RAB7A: variants seen among roughly 807,000 people sequenced by gnomAD.
RAB7A encodes the protein RAB7A, member RAS oncogene family.
In RAB7A, 2 loss-of-function variants were observed where a neutral mutation model predicts 24.5. The observed-to-expected ratio is 0.08, with a 90% CI of 0.03 to 0.26. The LOEUF is 0.26. Ranked by LOEUF, RAB7A falls within the 10% of genes least tolerant of loss-of-function variation. The probability of loss-of-function intolerance (pLI) is 1.00; values close to 1 mark genes in which losing one functional copy is unlikely to be tolerated. For missense variants in RAB7A, 118 were observed against 255.7 expected (o/e 0.46, Z 3.67); for synonymous variants, 100 against 95.9 (o/e 1.04, Z -0.25).
intron 1 of RAB7A, among the ~76,000 whole-genome samples, chr3:128,766,202 C>G (rs888023906): frequency 6.6e-6 from 1 of 152,150 alleles, no homozygotes; most frequent in African/African-American, 2.4e-5. Flanking sequence ...CTGATATGCT[C>G]CACTGAATAC....
chr3:128,814,039 G>C lies in RAB7A; in HGVS notation c.*617G>C, dbSNP rs1349037496. On this transcript the variant is annotated 3_prime_UTR_variant, in exon 6 of 6. Coordinates refer to ENST00000265062, the MANE Select transcript of RAB7A (RefSeq NM_004637.6). The stretch of plus-strand genomic sequence containing the variant: ...TTATTATGTAATGCTTCTTAGAAAA[G>C]AATCTTATAGTACATGTTAATATAT... 2 of 159,224 alleles carry C rather than the reference G, an allele frequency of 1.3e-5. No individual in the cohort carries two copies. The highest frequency in any genetic ancestry group is 2.8e-5 in the Non-Finnish European group (2 of 71,442). The allele number at this position is 159,224 out of a possible 1,614,324, so 9.9% of individuals were successfully genotyped here. A position where few individuals can be genotyped will look rare whatever the true frequency, so the allele number is the denominator to read the frequency against.
intron 1 of RAB7A, among the ~76,000 whole-genome samples, chr3:128,775,363 C>T (rs1393803844): frequency 6.6e-6 from 1 of 152,190 alleles, no homozygotes; most frequent in Non-Finnish European, 1.5e-5. Context: ...TCCACCCTTC[C>T]TCCACTAGCA....
At chr3:128,801,741 A>C (rs1413635812) in intron 3 of RAB7A, among the ~76,000 whole-genome samples, 2 of 152,192 alleles carry the variant, frequency 1.3e-5, no homozygotes, top group Non-Finnish European at 2.9e-5. Context: ...GTGTAAAGAG[A>C]GAATAATAGA....
intron 1 of RAB7A, among the ~76,000 whole-genome samples, chr3:128,753,390 A>G (rs996386489): frequency 6.6e-6 from 1 of 152,134 alleles, no homozygotes; most frequent in Non-Finnish European, 1.5e-5. Context: ...ATGTAAATAT[A>G]TTTATTACCC....
intron 2 of RAB7A, among the ~76,000 whole-genome samples, chr3:128,796,855 G>C (rs920030994): frequency 1.3e-5 from 2 of 152,052 alleles, no homozygotes; most frequent in Admixed American, 6.5e-5. Flanking sequence ...ATAGAGACAG[G>C]GTTCTACCAT....
chr3:128,795,766 T>TTTTTTTTTTTTTTTTG (rs1933557803), intron 2 of RAB7A, among the ~76,000 whole-genome samples: 1 of 123,610 alleles, frequency 8.1e-6, no homozygotes, highest in Non-Finnish European at 1.7e-5. Context: ...TTTTTTTTTT[T>TTTTTTTTTTTTTTTTG]TTGGAGACAG....
chr3:128,758,134 T>A (rs1270097730), intron 1 of RAB7A, among the ~76,000 whole-genome samples: 1 of 152,142 alleles, frequency 6.6e-6, no homozygotes. Flanking sequence ...GGCTAATTTT[T>A]AAATTTTTTT....
intron 1 of RAB7A, among the ~76,000 whole-genome samples, chr3:128,770,852 A>G (rs1398882394): frequency 1.3e-5 from 2 of 152,184 alleles, no homozygotes; most frequent in African/African-American, 2.4e-5. Context: ...TTTTAACATA[A>G]AGCAAATCGT....
At chr3:128,744,851 A>G (rs962750077) in intron 1 of RAB7A, among the ~76,000 whole-genome samples, 4 of 151,150 alleles carry the variant, frequency 2.6e-5, no homozygotes, top group African/African-American at 9.7e-5. Flanking sequence ...ACTTCTCTGA[A>G]GTCACTTTTT....
intron 1 of RAB7A, among the ~76,000 whole-genome samples, chr3:128,753,799 C>T (rs1289063509): frequency 6.6e-6 from 1 of 152,112 alleles, no homozygotes; most frequent in Non-Finnish European, 1.5e-5. Flanking sequence ...GAAAGCCCCA[C>T]CTCTTTATTT....
intron 1 of RAB7A, among the ~76,000 whole-genome samples, chr3:128,742,181 C>T (rs1019640384): frequency 1.3e-5 from 2 of 151,416 alleles, no homozygotes; most frequent in Admixed American, 6.6e-5. Flanking sequence ...TAAGGTGGCA[C>T]GTCTGGAGTT....
intron 1 of RAB7A, among the ~76,000 whole-genome samples, chr3:128,765,281 A>G (rs1053276726): frequency 6.6e-6 from 1 of 151,618 alleles, no homozygotes; most frequent in Non-Finnish European, 1.5e-5. Context: ...CGCCTTTTCT[A>G]CCTCTCCTCT....
intron 5 of RAB7A, among the ~76,000 whole-genome samples, chr3:128,808,653 A>G (rs1024512327): frequency 1.1e-4 from 16 of 152,228 alleles, no homozygotes; most frequent in Non-Finnish European, 1.6e-4. Flanking sequence ...GTTTTGATGT[A>G]CAGCTCTGTT....
chr3:128,804,780 T>TAAAGAG (rs2107615036), intron 3 of RAB7A, among the ~76,000 whole-genome samples: 1 of 152,340 alleles, frequency 6.6e-6, no homozygotes, highest in African/African-American at 2.4e-5. Flanking sequence ...CCATTTGACA[T>TAAAGAG]ACAGAGAAAG....
At chr3:128,774,079 A>AC (rs1491197618) in intron 1 of RAB7A, among the ~76,000 whole-genome samples, 1 of 40,836 alleles carries the variant, frequency 2.4e-5, no homozygotes, top group African/African-American at 4.5e-5. Context: ...ATGATCAATT[A>AC]AAAAAAAAAA....
chr3:128,777,825 G>T (rs973917519), intron 1 of RAB7A, among the ~76,000 whole-genome samples: 1 of 152,126 alleles, frequency 6.6e-6, no homozygotes, highest in Non-Finnish European at 1.5e-5. Flanking sequence ...GGGTTCAAGC[G>T]ATTCTCCCAC....
At chr3:128,783,572 C>T (rs1933267995) in intron 1 of RAB7A, among the ~76,000 whole-genome samples, 1 of 152,122 alleles carries the variant, frequency 6.6e-6, no homozygotes, top group African/African-American at 2.4e-5. Flanking sequence ...ATATCTCCCT[C>T]ACCTGGCTGC....
At chr3:128,764,416 T>G in intron 1 of RAB7A, 1 of 729,962 alleles carries the variant, frequency 1.4e-6, no homozygotes, top group Non-Finnish European at 2.5e-6. Context: ...ATGCACTGCC[T>G]TAGTGACCAG....
intron 1 of RAB7A, among the ~76,000 whole-genome samples, chr3:128,756,361 C>CA (rs796338526): frequency 0.03 from 3,494 of 117,722 alleles, 121 homozygotes; most frequent in African/African-American, 0.097. Context: ...GACTTTGTCT[C>CA]AAAAAAAAAA....
Sources: allele counts gnomAD v4.1 joint callset (sites outside exome capture counted in the v4.1 genomes callset), GRCh38; gene constraint gnomAD v4.1.1; transcripts MANE v1.5; gene names NCBI Gene and HGNC (gene_info 2026-07-23, HGNC 2026-07-21).